DCDC1: variants seen among roughly 807,000 people sequenced by gnomAD.
The protein encoded by DCDC1 is doublecortin domain-containing protein 1.
Under a neutral mutation model 178.3 loss-of-function variants are expected in DCDC1, and 200 were observed. The observed-to-expected ratio is 1.12, with a 90% confidence interval of 1.00 to 1.26. DCDC1 has a LOEUF of 1.26. Among genes scored for constraint, DCDC1 ranks in the 50% most tolerant of loss-of-function variants. DCDC1 has a pLI of 0.00. For missense variants in DCDC1, 1,983 were observed against 1,749.2 expected (o/e 1.13, Z -2.38); for synonymous variants, 690 against 604.8 (o/e 1.14, Z -2.07).
chr11:31,007,302 A>G (rs543575956), intron 20 of DCDC1, among the ~76,000 whole-genome samples: 1 of 152,358 alleles, frequency 6.6e-6, no homozygotes, highest in South Asian at 2.1e-4. Context: ...AGATAGTGAC[A>G]TCTAGAACCC....
At chr11:31,311,713 A>G (rs1207696101) in intron 3 of DCDC1, among the ~76,000 whole-genome samples, 1 of 152,184 alleles carries the variant, frequency 6.6e-6, no homozygotes, top group Non-Finnish European at 1.5e-5. Context: ...TTGAGGGTGA[A>G]GAATTTAACA....
chr11:31,099,921 G>A (rs988646811), intron 15 of DCDC1, among the ~76,000 whole-genome samples: 5 of 152,056 alleles, frequency 3.3e-5, no homozygotes, highest in Admixed American at 3.3e-4. Flanking sequence ...GTTTCACCAT[G>A]TTGGCCAGGA....
At chr11:30,914,652 A>AAG (rs1312839996) in intron 27 of DCDC1, among the ~76,000 whole-genome samples, 15 of 139,382 alleles carry the variant, frequency 1.1e-4, no homozygotes, top group East Asian at 2.1e-4. Context: ...AAAAAAAAAA[A>AAG]AGAGAGAGAG....
At chr11:31,348,895 T>C (rs191713755) in intron 1 of DCDC1, among the ~76,000 whole-genome samples, 1 of 152,354 alleles carries the variant, frequency 6.6e-6, no homozygotes, top group African/African-American at 2.4e-5. Flanking sequence ...TGCCAAATTA[T>C]TCTTTTTAAA....
At position 31,054,996 on chromosome 11, in the gene DCDC1, TTAAAC is replaced by T. The variant is rs1404784318; in HGVS notation, c.2591+9468_2591+9472del. On this transcript the variant is annotated intron_variant, in intron 20 of 38. Coordinates refer to ENST00000684477, the MANE Select transcript of DCDC1 (RefSeq NM_001387274.1). ...ACAAAGATAAATAGTTGTGACTTAATTAAACTAAAGAGCTTTCGCACGGCAAAAGG... is the reference window on the plus strand; with the variant it reads ...ACAAAGATAAATAGTTGTGACTTAATTAAAGAGCTTTCGCACGGCAAAAGG... Among the ~76,000 whole-genome samples the T allele has an allele frequency of 3.3e-5, 5 of 151,206 alleles. No individual in the cohort carries two copies. In the East Asian group the frequency reaches 9.7e-4, roughly 29 times the overall value.
intron 13 of DCDC1, among the ~76,000 whole-genome samples, chr11:31,106,094 C>A (rs1958825426): frequency 6.6e-6 from 1 of 152,186 alleles, no homozygotes; most frequent in African/African-American, 2.4e-5. Context: ...TGCCTATATA[C>A]TGCAGCCTTT....
intron 26 of DCDC1, 137 bp downstream of exon 26, chr11:30,916,733 A>C: frequency 9.2e-7 from 1 of 1,086,764 alleles, no homozygotes; most frequent in Non-Finnish European, 1.2e-6. Context: ...TTTAATCAAA[A>C]ACATAAGACA....
chr11:31,133,016 C>T (rs561133556), intron 10 of DCDC1, among the ~76,000 whole-genome samples: 3 of 152,308 alleles, frequency 2.0e-5, no homozygotes, highest in African/African-American at 7.2e-5. Context: ...ATGCAAGCAA[C>T]CTTTGAATTC....
chr11:31,261,485 T>A (rs1176895996), intron 8 of DCDC1, among the ~76,000 whole-genome samples: 2 of 152,146 alleles, frequency 1.3e-5, no homozygotes, highest in Non-Finnish European at 2.9e-5. Flanking sequence ...AAAACATTTT[T>A]AAAATAATAA....
Position 31,307,645 on chromosome 11 carries a change from T to C in DCDC1, c.428A>G (p.Gln143Arg), listed in dbSNP as rs1476038919. The change falls in exon 4 of 39, where the codon CAA becomes CGA. Residue 143 changes from glutamine to arginine, a missense_variant. Coordinates refer to ENST00000684477, the MANE Select transcript of DCDC1 (RefSeq NM_001387274.1). ...AGAGAACAGCTTTGATTACCTCAGT[T>C]GACCCACTGGAGCACTGACAGGTCT... is the stretch of plus-strand genomic sequence containing the variant. ...RNRPVSAPVGQLRVAEFSSLK... is the reference protein window; with the variant it reads ...RNRPVSAPVGRLRVAEFSSLK... 1 of 1,613,850 alleles carries C rather than the reference T, an allele frequency of 6.2e-7. No individual in the cohort carries two copies. Among genetic ancestry groups the C allele is most frequent in the East Asian group, 2.2e-5 (1 of 44,892 alleles).
Position 30,915,724 on chromosome 11 carries a change from A to C in DCDC1, c.3453-13T>G. On this transcript the variant is annotated splice_polypyrimidine_tract_variant and intron_variant, in intron 26 of 38. Coordinates refer to ENST00000684477, the MANE Select transcript of DCDC1 (RefSeq NM_001387274.1). ...CTTTGGTGAACAGCTGAGATAAAGA[A>C]ATCTCTATTAGTGGCAGAAAAATGT... 1 of 1,604,390 alleles carries C rather than the reference A, an allele frequency of 6.2e-7. No homozygotes were observed. The highest frequency in any genetic ancestry group is 1.1e-5 in the South Asian group (1 of 89,696).
At chr11:31,236,625 C>A (rs902486347) in intron 9 of DCDC1, among the ~76,000 whole-genome samples, 1 of 151,672 alleles carries the variant, frequency 6.6e-6, no homozygotes, top group African/African-American at 2.4e-5. Flanking sequence ...CTTCAAGTAA[C>A]TAGAATGCAG....
At chr11:31,075,919 G>A (rs111999503) in intron 18 of DCDC1, among the ~76,000 whole-genome samples, 1,701 of 152,240 alleles carry the variant, frequency 0.011, 28 homozygotes, top group African/African-American at 0.039. Context: ...GAGTGCAATG[G>A]TGCGATCTTG....
At chr11:31,251,615 C>G (rs888985814) in intron 8 of DCDC1, among the ~76,000 whole-genome samples, 11 of 147,824 alleles carry the variant, frequency 7.4e-5, no homozygotes, top group African/African-American at 2.5e-4. Flanking sequence ...GACAGAGAAA[C>G]AGAGAGAGAG....
chr11:30,993,382 T>A (rs900917334), intron 20 of DCDC1, among the ~76,000 whole-genome samples: 2 of 151,934 alleles, frequency 1.3e-5, no homozygotes, highest in East Asian at 3.9e-4. Flanking sequence ...AGAATAAAGA[T>A]GTAAAATCTG....
rs74861160 is a variant in DCDC1, at chr11:30,911,332, C to A, written c.3742G>T (p.Val1248Phe). ...RNEVCGYPVI[V>F]QKYKPYNNGA... Reference sequence around the variant, plus strand: ...TTTAGCCATACATATCTTACCTGAACAATAACTGGATAGCCACAAACTTCA... The same window carrying A: ...TTTAGCCATACATATCTTACCTGAAAAATAACTGGATAGCCACAAACTTCA... Residue 1248 changes from valine (V) to phenylalanine (F), a missense_variant, in exon 28 of 39, where the codon GTT becomes TTT. Physicochemically the swap from Val to Phe is conservative, Grantham distance 50. Coordinates refer to ENST00000684477, the MANE Select transcript of DCDC1 (RefSeq NM_001387274.1). 10 of 1,600,278 alleles carry A rather than the reference C, an allele frequency of 6.2e-6. No individual in the cohort carries two copies. In the South Asian group the frequency reaches 1.1e-4, roughly 18 times the overall value.
intron 18 of DCDC1, among the ~76,000 whole-genome samples, chr11:31,069,070 C>T (rs1425727493): frequency 6.6e-6 from 1 of 152,066 alleles, no homozygotes; most frequent in African/African-American, 2.4e-5. Flanking sequence ...CCAGGATGGT[C>T]TCGATCTCCT....
chr11:31,269,654 G>T (rs1360699104), intron 7 of DCDC1, among the ~76,000 whole-genome samples: 1 of 152,048 alleles, frequency 6.6e-6, no homozygotes, highest in African/African-American at 2.4e-5. Flanking sequence ...CCTAAGTGCT[G>T]GGATTACAGA....
chr11:31,309,306 A>T (rs1948635441), intron 3 of DCDC1, among the ~76,000 whole-genome samples: 1 of 152,056 alleles, frequency 6.6e-6, no homozygotes, highest in South Asian at 2.1e-4. Context: ...GGAGAGGAGC[A>T]GCCTTCCCTA....
Sources: gnomAD v4.1 joint callset for allele counts (sites outside exome capture counted in the v4.1 genomes callset) on GRCh38, gnomAD v4.1.1 for gene constraint, MANE v1.5 for transcripts, NCBI Gene and HGNC (gene_info 2026-07-23, HGNC 2026-07-21) for gene names.